The following HDLBP variants were observed in gnomAD, a reference collection of about 807,000 sequenced individuals.
HDLBP encodes high density lipoprotein binding protein.
HDLBP carries 30 observed loss-of-function variants against 137.3 expected under a neutral mutation model. The observed-to-expected ratio is 0.22, with a 90% CI of 0.16 to 0.30. The LOEUF is 0.30. Among genes scored for constraint, HDLBP ranks in the 10% least tolerant of loss-of-function variants. The pLI, the probability that HDLBP is intolerant of heterozygous loss-of-function variation, is 1.00. For synonymous variants in HDLBP, 606 were observed against 596.0 expected (o/e 1.02, Z -0.24); for missense variants, 1,119 against 1,667.3 (o/e 0.67, Z 5.73).
chr2:241,315,430 C>T (rs1457309118), intron 1 of HDLBP, 140 bp downstream of exon 1: 1 of 152,254 alleles, frequency 6.6e-6, no homozygotes, highest in South Asian at 2.1e-4. Flanking sequence ...GGCTCCCCCT[C>T]CCCGTGATCG....
intron 5 of HDLBP, among the ~76,000 whole-genome samples, chr2:241,259,359 T>C (rs1004792375): frequency 6.6e-6 from 1 of 152,198 alleles, no homozygotes; most frequent in Non-Finnish European, 1.5e-5. Flanking sequence ...GAAAGTACTT[T>C]ATTATATAAC....
chr2:241,262,100 C>T (rs964888401), intron 5 of HDLBP, among the ~76,000 whole-genome samples: 2 of 152,184 alleles, frequency 1.3e-5, no homozygotes, highest in Non-Finnish European at 2.9e-5. Flanking sequence ...AAATAAAGTC[C>T]AAGTACTGGC....
At chr2:241,253,282 C>T (rs1428085494) in intron 10 of HDLBP, 111 bp downstream of exon 10, 4 of 813,528 alleles carry the variant, frequency 4.9e-6, no homozygotes, top group South Asian at 4.1e-5. Context: ...GCTAGGATGC[C>T]CTGGGTGTCT....
intron 21 of HDLBP, 159 bp downstream of exon 21, chr2:241,236,456 C>T (rs907500441): frequency 7.2e-5 from 52 of 721,626 alleles, no homozygotes; most frequent in Middle Eastern, 7.9e-4. Context: ...TGTGTCCAGC[C>T]GAGAAGCACA....
At chr2:241,275,908 G>T (rs2074372172) in intron 1 of HDLBP, among the ~76,000 whole-genome samples, 1 of 151,978 alleles carries the variant, frequency 6.6e-6, no homozygotes, top group Admixed American at 6.6e-5. Flanking sequence ...ACCTACTAAA[G>T]GACATATTTC....
chr2:241,306,973 A>C (rs866156567), intron 1 of HDLBP, among the ~76,000 whole-genome samples: 8,102 of 51,526 alleles, frequency 0.16, 820 homozygotes, highest in African/African-American at 0.43. Flanking sequence ...AACCTATTCA[A>C]AAAAAAAAAA....
intron 5 of HDLBP, among the ~76,000 whole-genome samples, chr2:241,260,239 G>A (rs2073044310): frequency 6.6e-6 from 1 of 151,810 alleles, no homozygotes; most frequent in Admixed American, 6.6e-5. Context: ...CTCCTGACCT[G>A]AGGTGATCTG....
chr2:241,262,918 A>G lies in HDLBP; in HGVS notation c.243T>C (p.His81=). Residue 81 remains histidine, a synonymous_variant, in exon 5 of 28, where the codon CAT becomes CAC. Coordinates refer to ENST00000310931, the MANE Select transcript of HDLBP (RefSeq NM_005336.6). ...TGTATTTTCTCTCCTCCAGGGGTAC[A>G]TGGAACACCTGCTCAAAAAAGATCA... is the stretch of plus-strand genomic sequence containing the variant. ...IKASVITQVF[H]VPLEERKYKD... The G allele has an allele frequency of 6.2e-7, 1 of 1,611,872 alleles. No homozygotes were observed. The highest frequency in any genetic ancestry group is 1.7e-5 in the Admixed American group (1 of 60,012).
intron 1 of HDLBP, chr2:241,315,271 ATC>A (rs1575080566): frequency 6.6e-6 from 1 of 151,298 alleles, no homozygotes; most frequent in East Asian, 2.0e-4. Flanking sequence ...CGCGCAGCCA[ATC>A]CCAGAGAGGC....
chr2:241,302,712 G>A (rs558765323), intron 1 of HDLBP: 2 of 152,346 alleles, frequency 1.3e-5, no homozygotes, highest in South Asian at 2.1e-4. Context: ...TTTCCCCTAA[G>A]GCTGTCTGTT....
rs4497871 is a variant in HDLBP at position 241,307,097 on chromosome 2, G to C, written c.-103+8473C>G. Reference sequence around the variant, plus strand: ...GGGGGGCGGGGGGGACAGGGGGGCAGTGTCATCCTAACCTGGATAAACATC... The same window carrying C: ...GGGGGGCGGGGGGGACAGGGGGGCACTGTCATCCTAACCTGGATAAACATC... On this transcript the variant is annotated intron_variant, in intron 1 of 27. Transcript: ENST00000310931. Among the ~76,000 whole-genome samples, 47 of 151,602 alleles carry C rather than the reference G, an allele frequency of 3.1e-4. 1 individual carries two copies. The highest frequency in any genetic ancestry group is 1.1e-3 in the African/African-American group (46 of 41,278).
rs1433263984 is a variant in HDLBP at position 241,238,505 on chromosome 2, C to G, written c.2749+144G>C. The G allele has an allele frequency of 4.9e-6, 3 of 618,018 alleles. No individual in the cohort carries two copies. 38.3% of individuals were successfully genotyped at this position (618,018 alleles called of 1,614,324 possible). A position where few individuals can be genotyped will look rare whatever the true frequency, so the allele number is the denominator to read the frequency against. Reference sequence around the variant, plus strand: ...CATCTTTTAAAGGCCAGGGAGTGACCCTGAACCTCTGGAAGCCCCCAGAAT... The same window carrying G: ...CATCTTTTAAAGGCCAGGGAGTGACGCTGAACCTCTGGAAGCCCCCAGAAT... On this transcript the variant is annotated intron_variant, in intron 20 of 27. Transcript: ENST00000310931. This position sits in a 1 kb window ranked among gnomAD's most constrained non-coding sequence, Gnocchi z 4.9.
chr2:241,308,406 C>T (rs578007885), intron 1 of HDLBP, among the ~76,000 whole-genome samples: 2 of 152,282 alleles, frequency 1.3e-5, no homozygotes, highest in South Asian at 2.1e-4. Context: ...CTAAAGGGCA[C>T]CCAGGCAAAA....
chr2:241,263,177 G>A (rs2073340855), intron 4 of HDLBP, among the ~76,000 whole-genome samples: 1 of 152,226 alleles, frequency 6.6e-6, no homozygotes, highest in African/African-American at 2.4e-5. Flanking sequence ...GTGCTGTGAT[G>A]AAATCAACAG....
chr2:241,253,121 CT>C, intron 10 of HDLBP, 86 bp from the exon 11 acceptor site: 1 of 905,166 alleles, frequency 1.1e-6, no homozygotes, highest in Non-Finnish European at 1.8e-6. Flanking sequence ...CCACGGTTGC[CT>C]TTTCTGACCA....
At chr2:241,294,296 C>A (rs2075103910) in intron 1 of HDLBP, among the ~76,000 whole-genome samples, 1 of 152,126 alleles carries the variant, frequency 6.6e-6, no homozygotes, top group Non-Finnish European at 1.5e-5. Flanking sequence ...CAGGTCCACC[C>A]ATGCAGCTGA....
Position 241,253,433 on chromosome 2 carries a change from T to A in HDLBP, c.1253A>T (p.Asn418Ile). 1 of 1,613,026 alleles carries A rather than the reference T, an allele frequency of 6.2e-7. No homozygotes were observed. Among genetic ancestry groups the A allele is most frequent in the South Asian group, 1.1e-5 (1 of 91,078 alleles). ...ITLEGPTEDVNVAQEQIEGMV... is the reference protein window; with the variant it reads ...ITLEGPTEDVIVAQEQIEGMV... ...GCCTTCTATCTGTTCCTGGGCCACA[T>A]TGACATCCTCTGTAGGGCCCTCCAG... The change falls in exon 10 of 28, where the codon AAT becomes ATT. Residue 418 changes from asparagine to isoleucine, a missense_variant. Physicochemically the swap from Asn to Ile is moderately radical, Grantham distance 149. Around this residue, in one of 4 missense-constraint regions of HDLBP, gnomAD observed 425 missense variants for 693.9 expected, o/e 0.61. Transcript: ENST00000310931.
chr2:241,284,263 G>A (rs1180232328), intron 1 of HDLBP, among the ~76,000 whole-genome samples: 1 of 152,244 alleles, frequency 6.6e-6, no homozygotes, highest in African/African-American at 2.4e-5. Flanking sequence ...TTTGGGCAAA[G>A]TCCATTGAAA....
intron 1 of HDLBP, among the ~76,000 whole-genome samples, chr2:241,314,564 A>G (rs576383234): frequency 6.6e-6 from 1 of 152,342 alleles, no homozygotes; most frequent in Non-Finnish European, 1.5e-5. Context: ...ATTACGACTC[A>G]TCCACATTCC....
Sources: gnomAD v4.1 joint callset for allele counts (sites outside exome capture counted in the v4.1 genomes callset) on GRCh38, gnomAD v4.1.1 for gene constraint, gnomAD v4.1.1 regional missense constraint, Gnocchi (gnomAD v3.1) non-coding constraint, MANE v1.5 for transcripts, NCBI Gene and HGNC (gene_info 2026-07-23, HGNC 2026-07-21) for gene names.